Variants in AP3D1 observed in about 807,000 individuals in gnomAD.
AP3D1 encodes the protein adaptor related protein complex 3 subunit delta 1, also known as AP-3 complex subunit delta-1.
Under a neutral mutation model 147.6 loss-of-function variants are expected in AP3D1, and 51 were observed. The ratio of observed to expected loss-of-function variants is 0.35; its 90% CI spans 0.28 to 0.44. AP3D1 has a LOEUF of 0.44. Among genes scored for constraint, AP3D1 ranks in the 20% least tolerant of loss-of-function variants. The pLI is 1.00. For synonymous variants in AP3D1, 760 were observed against 663.0 expected, an observed-to-expected ratio of 1.15 and a Z score of -2.25; for missense variants, 1,421 against 1,624.2, an observed-to-expected ratio of 0.87 and a Z score of 2.15.
intron 1 of AP3D1, among the ~76,000 whole-genome samples, chr19:2,157,441 C>CAAAAAAAAAAAAAA (rs137939397): frequency 9.9e-6 from 1 of 101,172 alleles, no homozygotes; most frequent in Admixed American, 1.0e-4. Flanking sequence ...GACTCCGTCT[C>CAAAAAAAAAAAAAA]AAAAAAAAAA....
rs191751003 is a variant in AP3D1 at position 2,130,179 on chromosome 19, A to G, written c.592+229T>C. 9.5e-3 allele frequency among the ~76,000 whole-genome samples: 1,444 copies of G among 152,226 alleles called. 20 individuals are homozygous for G. The highest frequency in any genetic ancestry group is 0.033 in the African/African-American group (1,352 of 41,550). On this transcript the variant is annotated intron_variant, in intron 6 of 31. Coordinates refer to ENST00000643116, the MANE Select transcript of AP3D1 (RefSeq NM_001261826.3). ...GGTGGGTACACCTCTGCTCAGGGAC[A>G]CGCCAGACTCACCGCCAGCTGCCAC...
At chr19:2,112,728 G>C in intron 24 of AP3D1, 132 bp downstream of exon 24, 1 of 612,014 alleles carries the variant, frequency 1.6e-6, no homozygotes, top group Non-Finnish European at 2.8e-6. Context: ...CAAAAGGCCC[G>C]TGAGAACGCC....
At chr19:2,132,226 T>C (rs2018969977) in intron 5 of AP3D1, among the ~76,000 whole-genome samples, 1 of 152,166 alleles carries the variant, frequency 6.6e-6, no homozygotes, top group Non-Finnish European at 1.5e-5. Flanking sequence ...GTGCCTGGCC[T>C]GTCAGGGACA....
intron 31 of AP3D1, among the ~76,000 whole-genome samples, chr19:2,107,871 C>T (rs1016324893): frequency 6.6e-6 from 1 of 152,108 alleles, no homozygotes; most frequent in African/African-American, 2.4e-5. Flanking sequence ...GAATACGGCA[C>T]GCACCGCCAC....
At chr19:2,128,473 G>GTA (rs2018827468) in intron 8 of AP3D1, among the ~76,000 whole-genome samples, 1 of 55,086 alleles carries the variant, frequency 1.8e-5, no homozygotes, top group African/African-American at 7.4e-5. Context: ...GCCCGCCCCC[G>GTA]CCGCTCCGAC....
chr19:2,116,488 C>A, intron 17 of AP3D1, 117 bp downstream of exon 17: 1 of 1,361,610 alleles, frequency 7.3e-7, no homozygotes, highest in South Asian at 1.5e-5. Context: ...CAGGGACGCC[C>A]ATGCCTCCAC....
At chr19:2,115,051 G>A (rs906055904) in intron 20 of AP3D1, among the ~76,000 whole-genome samples, 168 bp downstream of exon 20, 1 of 152,178 alleles carries the variant, frequency 6.6e-6, no homozygotes, top group Admixed American at 6.5e-5. Context: ...GCGGTGCGTC[G>A]GGACGCGTGC....
chr19:2,162,928 G>A (rs2019750875), intron 1 of AP3D1, among the ~76,000 whole-genome samples: 1 of 152,002 alleles, frequency 6.6e-6, no homozygotes. Flanking sequence ...AACCGCCTTT[G>A]CAAAATTATG....
intron 4 of AP3D1, 70 bp from the exon 5 acceptor site, chr19:2,132,648 G>A (rs1024914525): frequency 5.2e-6 from 7 of 1,350,592 alleles, no homozygotes; most frequent in South Asian, 1.2e-5. Flanking sequence ...GGGTCACCAG[G>A]AGCAGCAGGA....
chr19:2,142,926 A>G (rs1859952), intron 1 of AP3D1, among the ~76,000 whole-genome samples: 48,422 of 150,580 alleles, frequency 0.32, 9,004 homozygotes, highest in Non-Finnish European at 0.43. Flanking sequence ...CACCACGCCA[A>G]GCTAATTTTA....
intron 31 of AP3D1, among the ~76,000 whole-genome samples, chr19:2,107,156 C>T (rs956824591): frequency 2.0e-5 from 3 of 150,210 alleles, no homozygotes; most frequent in East Asian, 4.0e-4. Context: ...CCAGCTACTG[C>T]GGAGGCTGAG....
chr19:2,121,700 C>A (rs1568288015), intron 12 of AP3D1, 34 bp downstream of exon 12: 1 of 1,543,638 alleles, frequency 6.5e-7, no homozygotes, highest in South Asian at 1.3e-5. Context: ...AGAACTAAGG[C>A]CAGGCGGGCG....
intron 9 of AP3D1, among the ~76,000 whole-genome samples, chr19:2,124,892 T>C (rs977380815): frequency 5.9e-5 from 9 of 152,154 alleles, no homozygotes; most frequent in African/African-American, 2.2e-4. Flanking sequence ...TGAGCCAAGA[T>C]TGTGCCATTG....
intron 1 of AP3D1, among the ~76,000 whole-genome samples, chr19:2,161,564 G>T (rs1300806597): frequency 6.6e-6 from 1 of 152,056 alleles, no homozygotes; most frequent in Non-Finnish European, 1.5e-5. Flanking sequence ...ATGTAGAGAT[G>T]AATCTCTAAA....
intron 4 of AP3D1, among the ~76,000 whole-genome samples, chr19:2,136,087 G>A (rs1162654084): frequency 6.6e-6 from 1 of 151,364 alleles, no homozygotes; most frequent in Non-Finnish European, 1.5e-5. Flanking sequence ...CTCCCGCCCA[G>A]GTCCCTCCTG....
At chr19:2,103,285 G>A (rs963465023) in intron 31 of AP3D1, among the ~76,000 whole-genome samples, 12 of 152,280 alleles carry the variant, frequency 7.9e-5, no homozygotes, top group Non-Finnish European at 1.8e-4. Flanking sequence ...TCCCGTGGGA[G>A]GGGCTCCAGC....
intron 2 of AP3D1, among the ~76,000 whole-genome samples, chr19:2,138,067 CG>C (rs2019123623): frequency 6.6e-6 from 1 of 152,218 alleles, no homozygotes; most frequent in Non-Finnish European, 1.5e-5. Context: ...CTGGCGCTTA[CG>C]GGTACTGGCT....
chr19:2,155,890 A>G (rs950431146), upstream of AP3D1, among the ~76,000 whole-genome samples: 6 of 151,738 alleles, frequency 4.0e-5, no homozygotes, highest in African/African-American at 1.2e-4. Context: ...ATCTCTACTA[A>G]AAATACAAAA....
At chr19:2,111,062 C>CTT in intron 26 of AP3D1, 166 bp from the exon 27 acceptor site, 1 of 927,514 alleles carries the variant, frequency 1.1e-6, no homozygotes, top group Non-Finnish European at 1.6e-6. Flanking sequence ...TATGGCTGCT[C>CTT]TTTGAGTGCA....
Sources: gnomAD v4.1 joint callset for allele counts (sites outside exome capture counted in the v4.1 genomes callset) on GRCh38, gnomAD v4.1.1 for gene constraint, MANE v1.5 for transcripts, NCBI Gene and HGNC (gene_info 2026-07-23, HGNC 2026-07-21) for gene names.